LRGUK: variants seen among roughly 807,000 people sequenced by gnomAD.
The protein encoded by LRGUK is leucine rich repeats and guanylate kinase domain containing, also known as leucine-rich repeat and guanylate kinase domain-containing protein.
A neutral mutation model predicts 76.0 loss-of-function variants in LRGUK; 65 were observed. The ratio of observed to expected loss-of-function variants is 0.85; its 90% CI spans 0.70 to 1.05. The LOEUF (loss-of-function observed/expected upper bound fraction) is 1.05. Among genes scored for constraint, LRGUK ranks in the 50% least tolerant of loss-of-function variants. The pLI, the probability that LRGUK is intolerant of heterozygous loss-of-function variation, is 0.00. For missense variants in LRGUK, 758 were observed against 732.8 expected (o/e 1.03, Z -0.40); for synonymous variants, 268 against 265.6 (o/e 1.01, Z -0.09).
intron 16 of LRGUK, among the ~76,000 whole-genome samples, chr7:134,239,125 C>G (rs1351592213): frequency 6.6e-6 from 1 of 152,160 alleles, no homozygotes; most frequent in East Asian, 1.9e-4. Context: ...AGGAACAGCT[C>G]CAGTCTGCAG....
At chr7:134,201,080 C>G (rs1458818930) in intron 14 of LRGUK, among the ~76,000 whole-genome samples, 3 of 152,194 alleles carry the variant, frequency 2.0e-5, no homozygotes, top group Non-Finnish European at 4.4e-5. Flanking sequence ...TCGAATCCTC[C>G]TTGTGATCTG....
chr7:134,162,146 C>T lies in LRGUK; in HGVS notation c.796-1251C>T, dbSNP rs1460581730. Among the ~76,000 whole-genome samples the T allele has an allele frequency of 1.1e-3, 161 of 152,256 alleles. 3 individuals are homozygous for T. Among genetic ancestry groups the T allele is most frequent in the Admixed American group, 0.011 (161 of 15,308 alleles). On this transcript the variant is annotated intron_variant, in intron 6 of 15. Coordinates refer to ENST00000645682, the Ensembl canonical transcript of LRGUK. Reference sequence around the variant, plus strand: ...TCTACTGTTGCATAACAAGCCACCCCAGTTGTAGTGACTTGGAGAAATAAC... The same window carrying T: ...TCTACTGTTGCATAACAAGCCACCCTAGTTGTAGTGACTTGGAGAAATAAC...
At chr7:134,161,646 G>A (rs867861581) in intron 6 of LRGUK, among the ~76,000 whole-genome samples, 1 of 150,702 alleles carries the variant, frequency 6.6e-6, no homozygotes, top group Non-Finnish European at 1.5e-5. Flanking sequence ...ACCAGAAAAC[G>A]TGTACCAGGG....
At chr7:134,254,967 C>A (rs1398842653) in intron 18 of LRGUK, among the ~76,000 whole-genome samples, 1 of 152,064 alleles carries the variant, frequency 6.6e-6, no homozygotes, top group Non-Finnish European at 1.5e-5. Flanking sequence ...GTGTGATTTT[C>A]CTTTTTCCTT....
chr7:134,169,677 G>A (rs1409511126), intron 7 of LRGUK, among the ~76,000 whole-genome samples: 1 of 151,980 alleles, frequency 6.6e-6, no homozygotes, highest in Admixed American at 6.6e-5. Flanking sequence ...TGTGAAGTGG[G>A]CATCTAGTTC....
chr7:134,241,110 A>G (rs112706870), intron 16 of LRGUK, among the ~76,000 whole-genome samples: 3 of 152,222 alleles, frequency 2.0e-5, no homozygotes, highest in African/African-American at 7.2e-5. Context: ...GCCAAATTGT[A>G]AAGACCATCG....
At chr7:134,142,989 G>A (rs1797829584) in intron 3 of LRGUK, 73 bp from the exon 4 acceptor site, 3 of 791,606 alleles carry the variant, frequency 3.8e-6, no homozygotes, top group Non-Finnish European at 6.6e-6. Flanking sequence ...CTGATGTCAT[G>A]TACACTGTTT....
exon 20 of LRGUK, chr7:134,264,045 G>A (rs1231797787): frequency 1.3e-6 from 2 of 1,485,898 alleles, no homozygotes; most frequent in East Asian, 4.9e-5. Flanking sequence ...TGCCTTACCT[G>A]GCCATGGGTC....
intron 5 of LRGUK, among the ~76,000 whole-genome samples, chr7:134,148,856 A>T (rs967549382): frequency 2.6e-5 from 4 of 151,966 alleles, no homozygotes; most frequent in African/African-American, 9.7e-5. Flanking sequence ...TGGAGGTTGT[A>T]GTGAGCCAAG....
the LRGUK span, among the ~76,000 whole-genome samples, chr7:134,270,650 T>A: frequency 6.6e-6 from 1 of 152,138 alleles, no homozygotes; most frequent in Non-Finnish European, 1.5e-5. Flanking sequence ...TATTCAGCAA[T>A]TAACTTTTTT....
intron 11 of LRGUK, among the ~76,000 whole-genome samples, chr7:134,184,222 A>G (rs1163990274): frequency 1.3e-5 from 2 of 152,268 alleles, no homozygotes; most frequent in Admixed American, 6.5e-5. Flanking sequence ...ACTCCTGGCA[A>G]TAGAAGAACT....
intron 11 of LRGUK, among the ~76,000 whole-genome samples, chr7:134,189,755 G>T (rs1490807557): frequency 6.6e-6 from 1 of 152,200 alleles, no homozygotes; most frequent in Non-Finnish European, 1.5e-5. Flanking sequence ...GAGGGTGTCA[G>T]GTCTCTGCTA....
chr7:134,244,306 G>A (rs1047857084), intron 16 of LRGUK, among the ~76,000 whole-genome samples: 3 of 152,096 alleles, frequency 2.0e-5, no homozygotes, highest in African/African-American at 4.8e-5. Context: ...CTACCCATCT[G>A]ACAAAGGACT....
chr7:134,171,225 A>G (rs1459897176), intron 7 of LRGUK, among the ~76,000 whole-genome samples: 2 of 151,544 alleles, frequency 1.3e-5, no homozygotes, highest in Non-Finnish European at 2.9e-5. Flanking sequence ...ATTCTGTTCC[A>G]TTGATCTGTC....
chr7:134,169,646 G>T (rs947283482), intron 7 of LRGUK, among the ~76,000 whole-genome samples: 4 of 151,826 alleles, frequency 2.6e-5, no homozygotes, highest in Non-Finnish European at 5.9e-5. Flanking sequence ...TAATCCAATT[G>T]GGATTTACTT....
rs761684891 is a variant in LRGUK, at chr7:134,221,960, A to G, written c.1983+42A>G. The G allele has an allele frequency of 1.5e-4, 217 of 1,474,368 alleles. No homozygotes were observed. In the Admixed American group the frequency reaches 1.7e-3, roughly 11 times the overall value. 91.3% of individuals were successfully genotyped at this position (1,474,368 alleles called of 1,614,324 possible). On this transcript the variant is annotated intron_variant, in intron 16 of 19. Transcript: ENST00000285928. The stretch of plus-strand genomic sequence containing the variant: ...AGGGGTGAAGCCACAACTGAGCTCT[A>G]TACAATGTCAGACAAAGAGGGGATT...
chr7:134,271,459 G>C, the LRGUK span, among the ~76,000 whole-genome samples: 2 of 151,484 alleles, frequency 1.3e-5, no homozygotes, highest in Non-Finnish European at 2.9e-5. Context: ...TATTTTACTT[G>C]GAATGAACTT....
chr7:134,183,530 T>G (rs1799847298), intron 10 of LRGUK, among the ~76,000 whole-genome samples: 1 of 152,252 alleles, frequency 6.6e-6, no homozygotes. Context: ...CGTAAGTTCA[T>G]ATTTTACCTT....
intron 19 of LRGUK, among the ~76,000 whole-genome samples, chr7:134,262,682 G>C (rs999777635): frequency 1.3e-5 from 2 of 151,834 alleles, no homozygotes; most frequent in Non-Finnish European, 2.9e-5. Flanking sequence ...AGCAAACAAG[G>C]AAGGGCCAGA....
Sources: gnomAD v4.1 joint callset for allele counts (sites outside exome capture counted in the v4.1 genomes callset) on GRCh38, gnomAD v4.1.1 for gene constraint, MANE v1.5 for transcripts, NCBI Gene and HGNC (gene_info 2026-07-23, HGNC 2026-07-21) for gene names.